The following TUBB8B variants were observed in gnomAD, a reference collection of about 807,000 sequenced individuals.
TUBB8B encodes the protein HSA18p11 beta-tubulin 4Q pseudogene.
In TUBB8B, 26 loss-of-function variants were observed where a neutral mutation model predicts 31.9. The ratio of observed to expected loss-of-function variants is 0.81; its 90% confidence interval spans 0.60 to 1.13. The LOEUF is 1.13. Among genes scored for constraint, TUBB8B ranks in the 50% most tolerant of loss-of-function variants. The pLI is 0.00. For missense variants in TUBB8B, 467 were observed against 586.7 expected (o/e 0.80, Z 2.11); for synonymous variants, 173 against 231.0 (o/e 0.75, Z 2.28).
Position 47,361 on chromosome 18 carries a change from T to G in TUBB8B, c.*29A>C, listed in dbSNP as rs1202133160. 1.5e-6 allele frequency: 1 copy of G among 666,596 alleles called. No individual in the cohort carries two copies. Among genetic ancestry groups the G allele is most frequent in the Admixed American group, 2.3e-5 (1 of 43,380 alleles). The allele number at this position is 666,596 out of a possible 1,614,324, so 41.3% of individuals were successfully genotyped here. ...GAACACAGTAAAGAATCCACACTGCTTCCCCCCTTTACCTAGAAAAGGAGA... is the reference window on the plus strand; with the variant it reads ...GAACACAGTAAAGAATCCACACTGCGTCCCCCCTTTACCTAGAAAAGGAGA... On this transcript the variant is annotated 3_prime_UTR_variant, in exon 4 of 4. Transcript: ENST00000308911.
At chr18:63,887 C>T in the TUBB8B span, among the ~76,000 whole-genome samples, 1 of 145,564 alleles carries the variant, frequency 6.9e-6, no homozygotes, top group East Asian at 2.0e-4. Context: ...CTAGCCCTAA[C>T]CCTAACCCTA....
the TUBB8B span, among the ~76,000 whole-genome samples, chr18:58,224 T>C: frequency 6.6e-6 from 1 of 151,612 alleles, no homozygotes; most frequent in Admixed American, 6.6e-5. Flanking sequence ...CGAGTTCCTC[T>C]CTTGTAAAAG....
At chr18:51,281 C>A (rs1462688241), upstream of TUBB8B, among the ~76,000 whole-genome samples, 1 of 151,912 alleles carries the variant, frequency 6.6e-6, no homozygotes, top group East Asian at 1.9e-4. Flanking sequence ...CTGTGACATG[C>A]TTTGGCTGTG....
chr18:50,765 C>T (rs539001536), upstream of TUBB8B, among the ~76,000 whole-genome samples: 21 of 152,112 alleles, frequency 1.4e-4, no homozygotes, highest in African/African-American at 2.2e-4. Context: ...CTGACCAGCA[C>T]GCCCACAAGC....
the TUBB8B span, among the ~76,000 whole-genome samples, chr18:71,569 TAAAAAA>T: frequency 3.2e-3 from 186 of 57,640 alleles, 2 homozygotes; most frequent in Middle Eastern, 0.022. Context: ...AAAAAAAATT[TAAAAAA>T]AAAAAAAAAA....
upstream of TUBB8B, among the ~76,000 whole-genome samples, chr18:50,793 T>C (rs1906066316): frequency 6.6e-6 from 1 of 152,072 alleles, no homozygotes; most frequent in Non-Finnish European, 1.5e-5. Context: ...GCCCTTTCAG[T>C]GCAGGGGCCT....
chr18:49,409 C>G (rs1237552033), intron 1 of TUBB8B, 92 bp downstream of exon 1: 42 of 845,318 alleles, frequency 5.0e-5, no homozygotes, highest in Non-Finnish European at 7.6e-5. Flanking sequence ...GCCCAGGGGC[C>G]GCAATGCAGG....
At chr18:63,010 C>A in the TUBB8B span, among the ~76,000 whole-genome samples, 1 of 151,728 alleles carries the variant, frequency 6.6e-6, no homozygotes, top group African/African-American at 2.4e-5. Context: ...TTAAATTTAT[C>A]TGATAGAATT....
chr18:62,414 A>C, the TUBB8B span, among the ~76,000 whole-genome samples: 1 of 142,594 alleles, frequency 7.0e-6, no homozygotes, highest in South Asian at 2.2e-4. Context: ...TCTTTAAATA[A>C]ATGTTTAATT....
the TUBB8B span, among the ~76,000 whole-genome samples, chr18:58,390 T>C: frequency 2.6e-5 from 4 of 151,730 alleles, no homozygotes; most frequent in African/African-American, 7.3e-5. Flanking sequence ...TTCAATGCTT[T>C]AGTGCTTAGA....
the TUBB8B span, among the ~76,000 whole-genome samples, chr18:64,868 A>ATCC: frequency 2.0e-5 from 3 of 151,988 alleles, no homozygotes; most frequent in African/African-American, 7.2e-5. Context: ...TTTCCCCTAA[A>ATCC]CTTCTAATAC....
the TUBB8B span, among the ~76,000 whole-genome samples, chr18:66,742 G>A: frequency 6.6e-6 from 1 of 151,714 alleles, no homozygotes; most frequent in Non-Finnish European, 1.5e-5. Flanking sequence ...ACACTATTTT[G>A]GCTATTCTGC....
In TUBB8B at chr18:47,517, A is replaced by G. The variant is rs1465512883; in HGVS notation, c.1208T>C (p.Met403Thr). The change falls in exon 4 of 4, where the codon ATG becomes ACG. Residue 403 changes from methionine (M) to threonine (T), a missense_variant. Met to Thr is a moderately conservative substitution (Grantham distance 81). Coordinates refer to ENST00000308911, the MANE Select transcript of TUBB8B (RefSeq NM_001358689.2). Reference sequence around the variant, plus strand: ...GGCCTCGGTGAATTCCATCTCATCCATGCCCTCGCCCGTGTACCAGTGGAG... The same window carrying G: ...GGCCTCGGTGAATTCCATCTCATCCGTGCCCTCGCCCGTGTACCAGTGGAG... Reference protein sequence around the residue: ...AFLHWYTGEGMDEMEFTEAES... With the variant: ...AFLHWYTGEGTDEMEFTEAES... 1.3e-6 allele frequency: 2 copies of G among 1,596,580 alleles called. No homozygotes were observed. Among genetic ancestry groups the G allele is most frequent in the East Asian group, 2.2e-5 (1 of 44,706 alleles).
the TUBB8B span, among the ~76,000 whole-genome samples, chr18:60,952 T>C: frequency 6.6e-6 from 1 of 151,764 alleles, no homozygotes; most frequent in Non-Finnish European, 1.5e-5. Flanking sequence ...AAATTTTCTG[T>C]AAATATCTAT....
At position 48,013 on chromosome 18, in the gene TUBB8B, T is replaced by C. The variant is rs1905757706; in HGVS notation, c.712A>G (p.Thr238Ala). ...LVSATMSGVT[T>A]CLRFPGQLNA... is the part of the protein sequence containing the mutation. ...AGCTGGCCTGGGAAGCGCAGGCATG[T>C]GGTGACCCCACTCATGGTAGCAGAC... is the stretch of plus-strand genomic sequence containing the variant. Residue 238 changes from threonine to alanine, a missense_variant, in exon 4 of 4, where the codon ACA becomes GCA. Physicochemically the swap from Thr to Ala is moderately conservative, Grantham distance 58 (BLOSUM62 0). This residue lies in a region of TUBB8B where 259 missense variants were observed against 380.1 expected (regional missense o/e 0.68). Coordinates refer to ENST00000308911, the MANE Select transcript of TUBB8B (RefSeq NM_001358689.2). 6.2e-7 allele frequency: 1 copy of C among 1,612,494 alleles called. No homozygotes were observed. Among genetic ancestry groups the C allele is most frequent in the Non-Finnish European group, 8.5e-7 (1 of 1,179,838 alleles).
chr18:48,050 C>T lies in TUBB8B; in HGVS notation c.675G>A (p.Leu225=). The T allele has an allele frequency of 6.2e-7, 1 of 1,613,332 alleles. No homozygotes were observed. The change falls in exon 4 of 4, where the codon CTG becomes CTA. Residue 225 remains leucine, a synonymous_variant. Transcript: ENST00000308911. ...TCATGGTAGCAGACACCAGGTGGTT[C>T]AGGTCACCATAGGTGGGTGTGGGCA... ...LKLPTPTYGD[L]NHLVSATMSG...
rs1252565571 is a variant in TUBB8B, at chr18:49,602, A to G, written c.-45T>C. On this transcript the variant is annotated 5_prime_UTR_variant, in exon 1 of 4. Transcript: ENST00000308911. ...CGGCAGCAGAAGCGCGAGAAGGAGG[A>G]GCAGACGCGCAGCGACCCAGCCCGC... 1 of 769,576 alleles carries G rather than the reference A, an allele frequency of 1.3e-6. No homozygotes were observed. The highest frequency in any genetic ancestry group is 2.2e-6 in the Non-Finnish European group (1 of 445,704). The allele number at this position is 769,576 out of a possible 1,614,324, so 47.7% of individuals were successfully genotyped here.
the TUBB8B span, among the ~76,000 whole-genome samples, chr18:72,090 A>T: frequency 6.7e-6 from 1 of 148,840 alleles, no homozygotes; most frequent in Non-Finnish European, 1.5e-5. Flanking sequence ...GAGACAGAGC[A>T]TTGCTTCAAC....
In TUBB8B at chr18:48,135, T is replaced by TAGAAA. The variant is rs1905784151; in HGVS notation, c.589_590insTTTCT (p.Asp197ValfsTer8). 1 of 1,614,060 alleles carries TAGAAA rather than the reference T, an allele frequency of 6.2e-7. No individual in the cohort carries two copies. The highest frequency in any genetic ancestry group is 8.5e-7 in the Non-Finnish European group (1 of 1,179,994). ...TTCGTTATCTATGCAGAAGGTCTCA[T>TAGAAA]CCGCGTTTTCTATGAGCTGGTGGAC... On this transcript the variant is annotated frameshift_variant, in exon 4 of 4. Coordinates refer to ENST00000308911, the MANE Select transcript of TUBB8B (RefSeq NM_001358689.2). LOFTEE classifies it high-confidence loss of function.
Sources: gnomAD v4.1 joint callset for allele counts (sites outside exome capture counted in the v4.1 genomes callset) on GRCh38, gnomAD v4.1.1 for gene constraint, gnomAD v4.1.1 regional missense constraint, MANE v1.5 for transcripts, NCBI Gene and HGNC (gene_info 2026-07-23, HGNC 2026-07-21) for gene names.